Variants in PARD3B observed in about 807,000 individuals in gnomAD.
PARD3B encodes the protein partitioning defective 3 homolog B.
A neutral mutation model predicts 130.2 loss-of-function variants in PARD3B; 103 were observed. The ratio of observed to expected loss-of-function variants is 0.79; its 90% CI spans 0.67 to 0.93. The LOEUF is 0.93. Among genes scored for constraint, PARD3B ranks in the 40% least tolerant of loss-of-function variants. The pLI, the probability that PARD3B is intolerant of heterozygous loss-of-function variation, is 0.00. For synonymous variants in PARD3B, 583 were observed against 553.2 expected, an observed-to-expected ratio of 1.05 and a Z score of -0.76; for missense variants, 1,609 against 1,499.2, an observed-to-expected ratio of 1.07 and a Z score of -1.21.
intron 2 of PARD3B, among the ~76,000 whole-genome samples, chr2:204,707,008 T>C (rs567353705): frequency 4.6e-5 from 7 of 152,314 alleles, no homozygotes; most frequent in African/African-American, 1.4e-4. Flanking sequence ...CCTGTTTTTG[T>C]TTGCAGGAAT....
chr2:204,835,959 A>G (rs1037389778), intron 2 of PARD3B, among the ~76,000 whole-genome samples: 14 of 152,244 alleles, frequency 9.2e-5, no homozygotes, highest in African/African-American at 3.4e-4. Context: ...TCAAGATAGT[A>G]AGTCAAGGAG....
intron 21 of PARD3B, among the ~76,000 whole-genome samples, chr2:205,519,852 G>A (rs1448696725): frequency 2.6e-5 from 4 of 152,124 alleles, no homozygotes; most frequent in African/African-American, 9.7e-5. Context: ...TGTTAGCAGG[G>A]CATTTTTGGT....
chr2:205,549,814 T>C (rs1351309572), intron 21 of PARD3B, among the ~76,000 whole-genome samples: 1 of 152,182 alleles, frequency 6.6e-6, no homozygotes, highest in Non-Finnish European at 1.5e-5. Flanking sequence ...TGTAAGTTAA[T>C]GAGTTGTAAC....
intron 12 of PARD3B, among the ~76,000 whole-genome samples, chr2:205,173,594 A>G (rs1361312215): frequency 1.3e-5 from 2 of 152,176 alleles, no homozygotes; most frequent in East Asian, 1.9e-4. Flanking sequence ...ACTTTATTCT[A>G]TTATCAGCTA....
chr2:205,575,277 A>G lies in PARD3B; in HGVS notation c.3260+21874A>G, dbSNP rs941151013. On this transcript the variant is annotated intron_variant, in intron 22 of 22. Transcript: ENST00000406610. The surrounding 1 kb of genome is among the most constrained non-coding windows in gnomAD (Gnocchi z 4.6). ...TTAGAGGAAGGTACACAGATTTCTC[A>G]TAAACCTGCCACCTCAACACATGCG... Among the ~76,000 whole-genome samples the G allele has an allele frequency of 3.3e-5, 5 of 152,166 alleles. No homozygotes were observed. The highest frequency in any genetic ancestry group is 4.8e-5 in the African/African-American group (2 of 41,442).
At chr2:205,466,724 G>C (rs1038602372) in intron 20 of PARD3B, among the ~76,000 whole-genome samples, 6 of 152,090 alleles carry the variant, frequency 3.9e-5, no homozygotes, top group African/African-American at 1.4e-4. Context: ...TTTTGTTTTT[G>C]TTTTTGAGAC....
intron 15 of PARD3B, among the ~76,000 whole-genome samples, chr2:205,236,718 A>G (rs567079888): frequency 2.0e-5 from 3 of 152,224 alleles, no homozygotes; most frequent in South Asian, 2.1e-4. Context: ...AAATTGATCA[A>G]TGGACACATA....
chr2:205,047,413 A>C (rs923002862), intron 3 of PARD3B, among the ~76,000 whole-genome samples, 168 bp from the exon 4 acceptor site: 16 of 152,224 alleles, frequency 1.1e-4, no homozygotes, highest in Admixed American at 7.2e-4. Flanking sequence ...TCAACCTATA[A>C]ATAGATGACA....
intron 2 of PARD3B, among the ~76,000 whole-genome samples, chr2:204,790,810 A>G (rs2042175029): frequency 6.6e-6 from 1 of 152,158 alleles, no homozygotes; most frequent in African/African-American, 2.4e-5. Flanking sequence ...AGTTTATAGT[A>G]TAAAAGAAAA....
At chr2:205,184,797 A>T (rs967651191) in intron 13 of PARD3B, among the ~76,000 whole-genome samples, 16 of 151,466 alleles carry the variant, frequency 1.1e-4, no homozygotes, top group African/African-American at 3.4e-4. Context: ...TATATATATA[A>T]ATAAAATTTA....
At chr2:205,182,609 A>C (rs1309313593) in intron 13 of PARD3B, among the ~76,000 whole-genome samples, 2 of 152,234 alleles carry the variant, frequency 1.3e-5, no homozygotes, top group Admixed American at 1.3e-4. Flanking sequence ...TAGAACAATA[A>C]ATACATACAT....
chr2:205,223,002 C>T (rs558246852), intron 15 of PARD3B, among the ~76,000 whole-genome samples: 2 of 152,156 alleles, frequency 1.3e-5, no homozygotes, highest in South Asian at 2.1e-4. Context: ...GAAAGTGGTA[C>T]GTATTCTTGG....
At chr2:204,756,998 G>T (rs2040705301) in intron 2 of PARD3B, among the ~76,000 whole-genome samples, 1 of 152,076 alleles carries the variant, frequency 6.6e-6, no homozygotes, top group African/African-American at 2.4e-5. Context: ...CCACTGTTAA[G>T]TGAGAACATG....
At chr2:205,349,055 T>C (rs1307855671) in intron 18 of PARD3B, among the ~76,000 whole-genome samples, 1 of 152,214 alleles carries the variant, frequency 6.6e-6, no homozygotes, top group Non-Finnish European at 1.5e-5. Context: ...ATAATGTGTT[T>C]ATTATATCAT....
chr2:204,662,338 A>G (rs2035846704), intron 1 of PARD3B, among the ~76,000 whole-genome samples: 1 of 152,216 alleles, frequency 6.6e-6, no homozygotes, highest in South Asian at 2.1e-4. Context: ...TTTCCTTTGA[A>G]AGCTGGAATT....
chr2:204,904,590 T>C (rs891683820), intron 2 of PARD3B, among the ~76,000 whole-genome samples: 2 of 152,174 alleles, frequency 1.3e-5, no homozygotes, highest in African/African-American at 4.8e-5. Flanking sequence ...ATTTTAAACA[T>C]CTTGTAGTTG....
chr2:204,618,843 A>ACTTGG (rs1449279448), intron 1 of PARD3B, among the ~76,000 whole-genome samples: 1 of 151,940 alleles, frequency 6.6e-6, no homozygotes, highest in Non-Finnish European at 1.5e-5. Flanking sequence ...TAATTCCTAC[A>ACTTGG]CTTGGCTTAA....
chr2:204,761,982 T>C (rs559957920), intron 2 of PARD3B, among the ~76,000 whole-genome samples: 4 of 152,096 alleles, frequency 2.6e-5, no homozygotes, highest in African/African-American at 4.8e-5. Context: ...CTGGGTTGGA[T>C]ACTGTCATTG....
chr2:205,598,252 A>G (rs2054641601), intron 22 of PARD3B, among the ~76,000 whole-genome samples: 1 of 152,140 alleles, frequency 6.6e-6, no homozygotes, highest in African/African-American at 2.4e-5. Flanking sequence ...ATAGGTTCAA[A>G]GTAAAGGAAT....
Sources: gnomAD v4.1 joint callset for allele counts (sites outside exome capture counted in the v4.1 genomes callset) on GRCh38, gnomAD v4.1.1 for gene constraint, Gnocchi (gnomAD v3.1) non-coding constraint, MANE v1.5 for transcripts, NCBI Gene and HGNC (gene_info 2026-07-23, HGNC 2026-07-21) for gene names.